The following PRAG1 variants were observed in gnomAD, a reference collection of about 807,000 sequenced individuals.
PRAG1 encodes inactive tyrosine-protein kinase PRAG1.
PRAG1 carries 110 observed loss-of-function variants against 95.6 expected under a neutral mutation model. The observed-to-expected ratio is 1.15, with a 90% CI of 0.99 to 1.35. The LOEUF is 1.35. Ranked by LOEUF, PRAG1 falls within the 40% of genes most tolerant of loss-of-function variation. The pLI is 0.00. For missense variants in PRAG1, 2,554 were observed against 1,864.7 expected, an observed-to-expected ratio of 1.37 and a Z score of -6.81; for synonymous variants, 1,052 against 819.4, an observed-to-expected ratio of 1.28 and a Z score of -4.85.
In PRAG1 at chr8:8,328,264, G is replaced by A. The variant is rs752794570; in HGVS notation, c.2518C>T (p.Pro840Ser). The A allele has an allele frequency of 1.2e-6, 2 of 1,614,154 alleles. No individual in the cohort carries two copies. The highest frequency in any genetic ancestry group is 1.7e-6 in the Non-Finnish European group (2 of 1,180,004). ...GFFWTQGSPK[P>S]GTASPKLNLS... Reference sequence around the variant, plus strand: ...TTCAGCTTGGGGCTTGCTGTTCCGGGCTTGGGGGAGCCTTGGGTCCAGAAG... The same window carrying A: ...TTCAGCTTGGGGCTTGCTGTTCCGGACTTGGGGGAGCCTTGGGTCCAGAAG... Residue 840 changes from proline (P) to serine (S), a missense_variant, in exon 5 of 6, where the codon CCC (proline) becomes TCC (serine). Transcript: ENST00000615670.
chr8:8,364,621 A>G (rs1347000268), intron 3 of PRAG1, among the ~76,000 whole-genome samples: 5 of 149,710 alleles, frequency 3.3e-5, no homozygotes, highest in Non-Finnish European at 5.9e-5. Context: ...TCTGCAGTCC[A>G]CTTTTACATA....
chr8:8,323,651 C>A (rs528296031), intron 5 of PRAG1, among the ~76,000 whole-genome samples: 1 of 152,096 alleles, frequency 6.6e-6, no homozygotes, highest in African/African-American at 2.4e-5. Flanking sequence ...TTGGCTTCTC[C>A]TTGCTGCCAC....
chr8:8,384,118 G>C (rs1302037012), intron 1 of PRAG1, among the ~76,000 whole-genome samples: 2 of 152,176 alleles, frequency 1.3e-5, no homozygotes, highest in African/African-American at 2.4e-5. Flanking sequence ...CTGACACTGG[G>C]CTATCTGAGG....
chr8:8,338,343 C>T (rs1426133721), intron 4 of PRAG1, among the ~76,000 whole-genome samples: 1 of 152,234 alleles, frequency 6.6e-6, no homozygotes, highest in African/African-American at 2.4e-5. Context: ...TGGTTGGTGA[C>T]TGATGGTTCA....
intron 4 of PRAG1, among the ~76,000 whole-genome samples, chr8:8,336,069 C>T (rs530025551): frequency 2.6e-5 from 4 of 152,152 alleles, no homozygotes; most frequent in Non-Finnish European, 2.9e-5. Context: ...GGTATCACTG[C>T]CCTGGTACAT....
chr8:8,346,161 G>A (rs1308289213), intron 3 of PRAG1, among the ~76,000 whole-genome samples: 1 of 152,182 alleles, frequency 6.6e-6, no homozygotes, highest in African/African-American at 2.4e-5. Context: ...CTTTTTTAAA[G>A]GCACTTTTCC....
intron 3 of PRAG1, among the ~76,000 whole-genome samples, chr8:8,346,389 C>G (rs958423601): frequency 1.3e-5 from 2 of 152,210 alleles, no homozygotes; most frequent in African/African-American, 4.8e-5. Flanking sequence ...TTTCGGCCTC[C>G]CACTGTTGAT....
Position 8,361,105 on chromosome 8 carries a change from T to A in PRAG1, c.2162+15142A>T, listed in dbSNP as rs183224314. Among the ~76,000 whole-genome samples, 28 of 152,362 alleles carry A rather than the reference T, an allele frequency of 1.8e-4. No homozygotes were observed. In the East Asian group the frequency reaches 5.2e-3, roughly 28 times the overall value. ...CTCATAAGGATCATCTAACAGTAGC[T>A]TGAGTTCCTTTTTCAGACTTCGGAC... is the stretch of plus-strand genomic sequence containing the variant. On this transcript the variant is annotated intron_variant, in intron 3 of 5. Coordinates refer to ENST00000615670, the MANE Select transcript of PRAG1 (RefSeq NM_001080826.3).
intron 1 of PRAG1, among the ~76,000 whole-genome samples, chr8:8,383,434 A>G (rs980970674): frequency 7.9e-5 from 12 of 152,036 alleles, no homozygotes; most frequent in Non-Finnish European, 1.8e-4. Flanking sequence ...TAAAAAAACT[A>G]TCCAGGTGTA....
chr8:8,327,838 G>A lies in PRAG1; in HGVS notation c.2944C>T (p.Leu982Phe), dbSNP rs1410080668. The change falls in exon 5 of 6, where the codon CTC (leucine) becomes TTC (phenylalanine). Residue 982 changes from leucine (L) to phenylalanine (F), a missense_variant. By Grantham distance (22) the Leu-to-Phe change is conservative. Coordinates refer to ENST00000615670, the MANE Select transcript of PRAG1 (RefSeq NM_001080826.3). ...GACCAGTTATTCTCATTGAAGTGGA[G>A]CTCCTTTTTCTGGCCGCCCATGAAG... ...DLFMGGQKKE[L>F]HFNENNWSLF... 23 of 1,614,236 alleles carry A rather than the reference G, an allele frequency of 1.4e-5. No homozygotes were observed. The highest frequency in any genetic ancestry group is 1.8e-5 in the Non-Finnish European group (21 of 1,180,038).
rs1286703916 is a variant in PRAG1 at position 8,318,739 on chromosome 8, G to C, written c.3636C>G (p.Leu1212=). The change falls in exon 6 of 6, where the codon CTC becomes CTG. Residue 1212 remains leucine, a synonymous_variant. Coordinates refer to ENST00000615670, the MANE Select transcript of PRAG1 (RefSeq NM_001080826.3). This position sits in a 1 kb window ranked among gnomAD's most constrained non-coding sequence, Gnocchi z 4.2. Reference sequence around the variant, plus strand: ...TGGCCTTCAAAAAGTTGCTGATGATGAGCCGGGGCAGCTGCTTCTCCCGGG... The same window carrying C: ...TGGCCTTCAAAAAGTTGCTGATGATCAGCCGGGGCAGCTGCTTCTCCCGGG... The part of the protein sequence containing the change: ...EGPREKQLPR[L]IISNFLKAKQ... 1.2e-6 allele frequency: 2 copies of C among 1,604,880 alleles called. No homozygotes were observed. Among genetic ancestry groups the C allele is most frequent in the South Asian group, 2.2e-5 (2 of 90,518 alleles).
chr8:8,336,878 C>A (rs531574299), intron 4 of PRAG1, among the ~76,000 whole-genome samples: 2 of 145,682 alleles, frequency 1.4e-5, no homozygotes, highest in Admixed American at 1.4e-4. Flanking sequence ...CAACTAAAAC[C>A]TTCCCCCCAC....
chr8:8,359,443 C>T (rs1243371035), intron 3 of PRAG1, among the ~76,000 whole-genome samples: 1 of 152,156 alleles, frequency 6.6e-6, no homozygotes, highest in Non-Finnish European at 1.5e-5. Flanking sequence ...ATTGACCGGA[C>T]CATCCTTCTA....
At position 8,339,487 on chromosome 8, in the gene PRAG1, T is replaced by C; in HGVS notation, c.2311A>G (p.Ser771Gly). Residue 771 changes from serine to glycine, a missense_variant, in exon 4 of 6, where the codon AGC becomes GGC. Coordinates refer to ENST00000615670, the MANE Select transcript of PRAG1 (RefSeq NM_001080826.3). The stretch of plus-strand genomic sequence containing the variant: ...ATGTCAAGTTTGTTACCTCCATCGC[T>C]GCAGGTCCTAGAGTCTGAGGCCAGG... ...DSLASDSRTC[S>G]DGGPSSELAH... 1.2e-6 allele frequency: 2 copies of C among 1,614,004 alleles called. No individual in the cohort carries two copies. Among genetic ancestry groups the C allele is most frequent in the South Asian group, 2.2e-5 (2 of 91,080 alleles).
chr8:8,350,378 C>T (rs146670324), intron 3 of PRAG1, among the ~76,000 whole-genome samples: 2 of 152,264 alleles, frequency 1.3e-5, no homozygotes, highest in East Asian at 3.9e-4. Context: ...AAAATGATCA[C>T]CTAAGAACAA....
intron 2 of PRAG1, among the ~76,000 whole-genome samples, chr8:8,378,395 C>A (rs951620472): frequency 5.3e-5 from 8 of 152,202 alleles, no homozygotes; most frequent in Admixed American, 1.3e-4. Flanking sequence ...GAACACTGTG[C>A]CTTCTTCCTC....
At chr8:8,329,668 T>C (rs1798757186) in intron 4 of PRAG1, among the ~76,000 whole-genome samples, 1 of 152,136 alleles carries the variant, frequency 6.6e-6, no homozygotes, top group Admixed American at 6.5e-5. Context: ...TCCTGAACAG[T>C]TAATAACCTT....
intron 3 of PRAG1, 50 bp from the exon 4 acceptor site, chr8:8,339,685 C>T: frequency 6.4e-7 from 1 of 1,563,546 alleles, no homozygotes; most frequent in Non-Finnish European, 8.8e-7. Context: ...GATTTCCATT[C>T]AGAAACCAGG....
At chr8:8,345,092 T>TGTGTGTGTG (rs1491425198) in intron 3 of PRAG1, among the ~76,000 whole-genome samples, 49 of 124,984 alleles carry the variant, frequency 3.9e-4, no homozygotes, top group Middle Eastern at 4.5e-3. Context: ...TGTGTGTGTG[T>TGTGTGTGTG]TAGGGAGGAA....
Sources: gnomAD v4.1 joint callset for allele counts (sites outside exome capture counted in the v4.1 genomes callset) on GRCh38, gnomAD v4.1.1 for gene constraint, Gnocchi (gnomAD v3.1) non-coding constraint, MANE v1.5 for transcripts, NCBI Gene and HGNC (gene_info 2026-07-23, HGNC 2026-07-21) for gene names.